The following KCNAB1 variants were observed in gnomAD, a reference collection of about 807,000 sequenced individuals.
KCNAB1 encodes voltage-gated potassium channel subunit beta-1.
In KCNAB1, 35 loss-of-function variants were observed where a neutral mutation model predicts 64.6. The ratio of observed to expected loss-of-function variants is 0.54; its 90% CI spans 0.41 to 0.72. KCNAB1 has a LOEUF of 0.72. KCNAB1 is among the 30% of genes least tolerant of loss of function. KCNAB1 has a pLI of 0.00. For missense variants in KCNAB1, 401 were observed against 512.9 expected, an observed-to-expected ratio of 0.78 and a Z score of 2.11; for synonymous variants, 177 against 183.8, an observed-to-expected ratio of 0.96 and a Z score of 0.30.
intron 1 of KCNAB1, among the ~76,000 whole-genome samples, chr3:156,220,952 A>G (rs1368554980): frequency 6.6e-6 from 1 of 152,236 alleles, no homozygotes; most frequent in East Asian, 1.9e-4. Flanking sequence ...CAGTTTCCCC[A>G]GCACCATTTA....
At chr3:156,519,359 C>T (rs1008791750) in intron 11 of KCNAB1, among the ~76,000 whole-genome samples, 5 of 152,110 alleles carry the variant, frequency 3.3e-5, no homozygotes, top group Non-Finnish European at 7.4e-5. Context: ...TTGTGTCTCC[C>T]ATATCATACT....
chr3:156,262,390 T>C (rs143010638), intron 1 of KCNAB1, among the ~76,000 whole-genome samples: 2 of 152,082 alleles, frequency 1.3e-5, no homozygotes, highest in East Asian at 3.9e-4. Context: ...TGGGAAAGTT[T>C]TATCATGAAT....
intron 1 of KCNAB1, among the ~76,000 whole-genome samples, chr3:156,338,330 T>TTTTTTC (rs1723871417): frequency 4.0e-5 from 5 of 125,950 alleles, no homozygotes; most frequent in African/African-American, 1.4e-4. Flanking sequence ...TTTTTTTTTT[T>TTTTTTC]ACAGAGTTTA....
intron 8 of KCNAB1, among the ~76,000 whole-genome samples, chr3:156,486,206 G>A (rs1280159443): frequency 6.6e-6 from 1 of 152,172 alleles, no homozygotes; most frequent in Non-Finnish European, 1.5e-5. Flanking sequence ...GGAGGGCTGT[G>A]AGACGGTGCT....
chr3:156,180,181 C>T (rs1193568371), intron 1 of KCNAB1, among the ~76,000 whole-genome samples: 1 of 152,210 alleles, frequency 6.6e-6, no homozygotes, highest in African/African-American at 2.4e-5. Flanking sequence ...ATTTGTAATT[C>T]AATCCTCATG....
intron 1 of KCNAB1, among the ~76,000 whole-genome samples, chr3:156,244,739 G>A (rs1717357030): frequency 6.6e-6 from 1 of 152,150 alleles, no homozygotes; most frequent in Non-Finnish European, 1.5e-5. Context: ...GATTTTACCA[G>A]AGTTATTCTA....
At chr3:156,179,697 A>G (rs544613551) in intron 1 of KCNAB1, among the ~76,000 whole-genome samples, 1 of 152,336 alleles carries the variant, frequency 6.6e-6, no homozygotes, top group Non-Finnish European at 1.5e-5. Flanking sequence ...GAATGGACCG[A>G]AAGTGATGAG....
At chr3:156,188,926 G>A (rs1713381015) in intron 1 of KCNAB1, among the ~76,000 whole-genome samples, 1 of 152,156 alleles carries the variant, frequency 6.6e-6, no homozygotes, top group African/African-American at 2.4e-5. Context: ...CTGGAGAAGG[G>A]TGAGTCGTGG....
At chr3:156,518,393 TAAAAA>T (rs1034184810) in intron 11 of KCNAB1, among the ~76,000 whole-genome samples, 81 of 148,298 alleles carry the variant, frequency 5.5e-4, no homozygotes, top group African/African-American at 2.0e-3. Flanking sequence ...AGCAAAAAAA[TAAAAA>T]GTAAAGGAGG....
intron 1 of KCNAB1, among the ~76,000 whole-genome samples, chr3:156,390,236 T>G (rs1712928436): frequency 2.6e-5 from 4 of 152,134 alleles, no homozygotes; most frequent in Admixed American, 6.5e-5. Context: ...GTCTGAGGGA[T>G]AGACCAGAGG....
chr3:156,280,211 T>C (rs1263481654), intron 1 of KCNAB1, among the ~76,000 whole-genome samples: 1 of 150,514 alleles, frequency 6.6e-6, no homozygotes, highest in Admixed American at 6.6e-5. Context: ...CCAGCACCAT[T>C]TATTAAATAG....
chr3:156,176,951 C>T, intron 1 of KCNAB1: 1 of 739,202 alleles, frequency 1.4e-6, no homozygotes, highest in Non-Finnish European at 2.3e-6. Flanking sequence ...TGAGGCCCAC[C>T]TGCCTCCATT....
rs1265821818 is a variant in KCNAB1 at position 156,492,519 on chromosome 3, T to C, written c.658+17699T>C. Among the ~76,000 whole-genome samples the C allele has an allele frequency of 2.0e-5, 3 of 152,018 alleles. No homozygotes were observed. The East Asian group carries it at 5.8e-4, about 29-fold the overall frequency. Reference sequence around the variant, plus strand: ...AAGTACCCAGCCAATCCTCAGTTGTTCCAGCCATCCCAGCCCAGGCACCAG... The same window carrying C: ...AAGTACCCAGCCAATCCTCAGTTGTCCCAGCCATCCCAGCCCAGGCACCAG... On this transcript the variant is annotated intron_variant, in intron 8 of 13. Transcript: ENST00000490337.
intron 1 of KCNAB1, among the ~76,000 whole-genome samples, chr3:156,353,067 C>T (rs1384998215): frequency 6.6e-6 from 1 of 152,208 alleles, no homozygotes; most frequent in African/African-American, 2.4e-5. Context: ...TAGCACATAC[C>T]AAAGGAGAGA....
At chr3:156,489,895 C>T (rs989843175) in intron 8 of KCNAB1, among the ~76,000 whole-genome samples, 9 of 151,948 alleles carry the variant, frequency 5.9e-5, no homozygotes, top group African/African-American at 1.7e-4. Flanking sequence ...TCCAATGTCA[C>T]GGAAGATGGG....
At position 156,171,190 on chromosome 3, in the gene KCNAB1, CACAT is replaced by C. The variant is rs1461643752; in HGVS notation, c.275+50308_275+50311del. Among the ~76,000 whole-genome samples the C allele has an allele frequency of 3.3e-3, 485 of 148,954 alleles. 4 individuals are homozygous for C. Among genetic ancestry groups the C allele is most frequent in the African/African-American group, 0.011 (430 of 39,256 alleles). ...GGCTTATAGTTAGAAACTTCACGCA[CACAT>C]ACACACACACACACACACACACACA... is the stretch of plus-strand genomic sequence containing the variant. On this transcript the variant is annotated intron_variant, in intron 1 of 13. Transcript: ENST00000490337.
intron 1 of KCNAB1, among the ~76,000 whole-genome samples, chr3:156,403,213 T>C (rs1028854822): frequency 1.3e-5 from 2 of 152,194 alleles, no homozygotes; most frequent in Non-Finnish European, 2.9e-5. Context: ...GGAGAAAGTG[T>C]AGGAAACTTC....
intron 10 of KCNAB1, among the ~76,000 whole-genome samples, chr3:156,515,642 T>C (rs1177807667): frequency 6.6e-6 from 1 of 152,162 alleles, no homozygotes; most frequent in East Asian, 1.9e-4. Flanking sequence ...AAATGGGAAA[T>C]TCAACAACTA....
At chr3:156,414,993 T>C (rs1380113051) in intron 1 of KCNAB1, among the ~76,000 whole-genome samples, 1 of 152,218 alleles carries the variant, frequency 6.6e-6, no homozygotes, top group African/African-American at 2.4e-5. Flanking sequence ...TTTGCCTCTT[T>C]TATCTGTCTT....
Sources: gnomAD v4.1 joint callset for allele counts (sites outside exome capture counted in the v4.1 genomes callset) on GRCh38, gnomAD v4.1.1 for gene constraint, MANE v1.5 for transcripts, NCBI Gene and HGNC (gene_info 2026-07-23, HGNC 2026-07-21) for gene names.